Variants in PTH2R observed in about 807,000 individuals in gnomAD.
PTH2R encodes PTH2 receptor.
In PTH2R, 59 loss-of-function variants were observed where a neutral mutation model predicts 60.3. The ratio of observed to expected loss-of-function variants is 0.98; its 90% CI spans 0.79 to 1.22. PTH2R has a LOEUF of 1.22. PTH2R is among the 50% of genes most tolerant of loss of function. The pLI, the probability that PTH2R is intolerant of heterozygous loss-of-function variation, is 0.00. For synonymous variants in PTH2R, 256 were observed against 243.8 expected, an observed-to-expected ratio of 1.05 and a Z score of -0.47; for missense variants, 749 against 682.6, an observed-to-expected ratio of 1.10 and a Z score of -1.08.
chr2:208,429,309 T>C (rs1430134923), intron 2 of PTH2R, among the ~76,000 whole-genome samples: 1 of 152,136 alleles, frequency 6.6e-6, no homozygotes, highest in East Asian at 1.9e-4. Context: ...ATATATATCT[T>C]AAAATATGCT....
chr2:208,371,051 A>T (rs1241607513), intron 1 of PTH2R, among the ~76,000 whole-genome samples: 1 of 151,764 alleles, frequency 6.6e-6, no homozygotes, highest in African/African-American at 2.4e-5. Flanking sequence ...GCCAGAACTC[A>T]CTCATCACCA....
rs182370518 is a variant in PTH2R, at chr2:208,383,353, T to C, written c.-259+23116T>C. On this transcript the variant is annotated intron_variant, in intron 1 of 12. Transcript: ENST00000617735. ...GTGTCTCTGCTCAAGAGCTCACATG[T>C]AGCTACAAGGCAGAGATTTAGGGGA... 5.5e-3 allele frequency among the ~76,000 whole-genome samples: 836 copies of C among 152,276 alleles called. 7 individuals carry two copies. Among genetic ancestry groups the C allele is most frequent in the African/African-American group, 0.019 (793 of 41,532 alleles).
chr2:208,442,596 G>A (rs1033919390), intron 5 of PTH2R, 135 bp downstream of exon 5: 12 of 681,718 alleles, frequency 1.8e-5, no homozygotes, highest in African/African-American at 5.4e-5. Flanking sequence ...ATGTTATTAT[G>A]TTATTTGACA....
At chr2:208,401,556 T>G (rs1158187011) in intron 1 of PTH2R, among the ~76,000 whole-genome samples, 1 of 152,170 alleles carries the variant, frequency 6.6e-6, no homozygotes, top group African/African-American at 2.4e-5. Flanking sequence ...CTGTGTATTT[T>G]TTTTAAACTT....
intron 9 of PTH2R, among the ~76,000 whole-genome samples, chr2:208,474,261 G>C (rs1387384746): frequency 2.3e-5 from 1 of 42,612 alleles, no homozygotes; most frequent in African/African-American, 1.4e-4. Context: ...TCAGTAAATA[G>C]TAGCCTATAA....
intron 1 of PTH2R, among the ~76,000 whole-genome samples, chr2:208,422,319 G>C (rs534383611): frequency 2.0e-5 from 3 of 152,052 alleles, no homozygotes; most frequent in African/African-American, 7.2e-5. Context: ...TAGACACACC[G>C]GAAACAAATG....
intron 1 of PTH2R, among the ~76,000 whole-genome samples, chr2:208,408,142 C>G (rs1468412108): frequency 6.6e-6 from 1 of 152,162 alleles, no homozygotes; most frequent in African/African-American, 2.4e-5. Flanking sequence ...GTGGGCTTTA[C>G]TTAACATGAC....
At chr2:208,467,812 C>T (rs1702788979) in intron 9 of PTH2R, among the ~76,000 whole-genome samples, 1 of 152,058 alleles carries the variant, frequency 6.6e-6, no homozygotes, top group South Asian at 2.1e-4. Context: ...ATTCCTGGGC[C>T]ATAAAGCTGA....
chr2:208,399,164 G>A (rs184299551), intron 1 of PTH2R, among the ~76,000 whole-genome samples: 1 of 152,274 alleles, frequency 6.6e-6, no homozygotes, highest in East Asian at 1.9e-4. Context: ...CAATCAAGAT[G>A]TGTGCTCCTA....
chr2:208,399,294 C>G (rs1227326808), intron 1 of PTH2R, among the ~76,000 whole-genome samples: 2 of 152,094 alleles, frequency 1.3e-5, no homozygotes, highest in Non-Finnish European at 2.9e-5. Flanking sequence ...CTGGGTTGCT[C>G]AAACCCTGCA....
chr2:208,426,445 A>G (rs568765487), intron 1 of PTH2R, among the ~76,000 whole-genome samples: 1 of 152,218 alleles, frequency 6.6e-6, no homozygotes, highest in Non-Finnish European at 1.5e-5. Flanking sequence ...TCTACAACAA[A>G]GGAATAAAAA....
intron 1 of PTH2R, among the ~76,000 whole-genome samples, chr2:208,388,234 A>G (rs753208801): frequency 1.2e-4 from 18 of 151,054 alleles, no homozygotes; most frequent in Non-Finnish European, 2.7e-4. Context: ...GGAGAATGGA[A>G]TGAATCCGGG....
intron 12 of PTH2R, among the ~76,000 whole-genome samples, chr2:208,492,072 C>A (rs1467693558): frequency 6.6e-6 from 1 of 152,204 alleles, no homozygotes; most frequent in African/African-American, 2.4e-5. Context: ...TCCCATGGAA[C>A]TTCCAAATAA....
chr2:208,485,445 C>G (rs1291557695), intron 10 of PTH2R, among the ~76,000 whole-genome samples: 2 of 152,138 alleles, frequency 1.3e-5, no homozygotes, highest in Non-Finnish European at 2.9e-5. Flanking sequence ...TAAAAACGTA[C>G]AATGTGCATG....
intron 1 of PTH2R, among the ~76,000 whole-genome samples, chr2:208,411,770 T>C (rs940884778): frequency 1.3e-5 from 2 of 152,194 alleles, no homozygotes; most frequent in African/African-American, 4.8e-5. Context: ...TAATTTCATC[T>C]CTTGGTTGTC....
At chr2:208,434,716 G>T (rs1574869366) in intron 2 of PTH2R, among the ~76,000 whole-genome samples, 1 of 152,144 alleles carries the variant, frequency 6.6e-6, no homozygotes, top group Non-Finnish European at 1.5e-5. Context: ...CGACTGGACA[G>T]TTCAGATATA....
At chr2:208,491,779 G>C (rs1000973267) in intron 12 of PTH2R, among the ~76,000 whole-genome samples, 2 of 152,018 alleles carry the variant, frequency 1.3e-5, no homozygotes, top group African/African-American at 4.8e-5. Context: ...TGTAGACTGT[G>C]AAGTTTTGTG....
At chr2:208,447,416 G>T (rs1334563835) in intron 7 of PTH2R, among the ~76,000 whole-genome samples, 6 of 151,836 alleles carry the variant, frequency 4.0e-5, no homozygotes, top group Non-Finnish European at 2.9e-5. Flanking sequence ...GTGAATCCCT[G>T]CCTCTACTAA....
intron 1 of PTH2R, among the ~76,000 whole-genome samples, chr2:208,394,006 T>C (rs1701158801): frequency 6.6e-6 from 1 of 152,204 alleles, no homozygotes; most frequent in South Asian, 2.1e-4. Context: ...TGGGGAACTA[T>C]TCCCTGTGGG....
Sources: gnomAD v4.1 joint callset for allele counts (sites outside exome capture counted in the v4.1 genomes callset) on GRCh38, gnomAD v4.1.1 for gene constraint, MANE v1.5 for transcripts, NCBI Gene and HGNC (gene_info 2026-07-23, HGNC 2026-07-21) for gene names.